Variants in PLEKHA6 observed in about 807,000 individuals in gnomAD.
The protein encoded by PLEKHA6 is pleckstrin homology domain containing A6.
In PLEKHA6, 60 loss-of-function variants were observed where a neutral mutation model predicts 116.7. The ratio of observed to expected loss-of-function variants is 0.51; its 90% CI spans 0.42 to 0.64. PLEKHA6 has a LOEUF of 0.64. Among genes scored for constraint, PLEKHA6 ranks in the 30% least tolerant of loss-of-function variants. PLEKHA6 has a pLI of 0.00. For synonymous variants in PLEKHA6, 489 were observed against 556.1 expected, an observed-to-expected ratio of 0.88 and a Z score of 1.70; for missense variants, 1,338 against 1,422.7, an observed-to-expected ratio of 0.94 and a Z score of 0.96.
At position 204,347,358 on chromosome 1, in the gene PLEKHA6, T is replaced by C. The variant is rs1572215458; in HGVS notation, c.-95+12336A>G. On this transcript the variant is annotated intron_variant, in intron 1 of 22. Coordinates refer to ENST00000272203, the MANE Select transcript of PLEKHA6 (RefSeq NM_014935.5). ...TCTGTTCTGCCTGGCTCACTGGCTGTCAGAGTTTAAGGTGATCTCTCTTGT... is the reference window on the plus strand; with the variant it reads ...TCTGTTCTGCCTGGCTCACTGGCTGCCAGAGTTTAAGGTGATCTCTCTTGT... 1.1e-5 allele frequency: 7 copies of C among 642,364 alleles called. No homozygotes were observed. In the Admixed American group the frequency reaches 1.6e-4, roughly 15 times the overall value. 39.8% of individuals were successfully genotyped at this position (642,364 alleles called of 1,614,324 possible). A position where few individuals can be genotyped will look rare whatever the true frequency, so the allele number is the denominator to read the frequency against.
At chr1:204,340,637 G>T (rs1270152899) in intron 1 of PLEKHA6, among the ~76,000 whole-genome samples, 2 of 152,198 alleles carry the variant, frequency 1.3e-5, no homozygotes, top group African/African-American at 4.8e-5. Context: ...CCATGTCAGA[G>T]AGGTCTTTTT....
chr1:204,357,324 T>A (rs1443930980), intron 1 of PLEKHA6, among the ~76,000 whole-genome samples: 1 of 152,120 alleles, frequency 6.6e-6, no homozygotes, highest in Non-Finnish European at 1.5e-5. Context: ...GACTAGATAG[T>A]CTCTGAGGGG....
At position 204,228,087 on chromosome 1, in the gene PLEKHA6, C is replaced by G; in HGVS notation, c.3027G>C (p.Leu1009=). The change falls in exon 21 of 23, where the codon CTG becomes CTC. Residue 1009 remains leucine, a synonymous_variant. Coordinates refer to ENST00000272203, the MANE Select transcript of PLEKHA6 (RefSeq NM_014935.5). This position sits in a 1 kb window ranked among gnomAD's most constrained non-coding sequence, Gnocchi z 4.0. The stretch of plus-strand genomic sequence containing the variant: ...GCGAGGCCCAGCCCCTCTCACCAGA[C>G]AGCATGCGGCCCCTGCGGGAGGCCT... ...ATEASRRGRM[L]SVQCATPSPP... is the part of the protein sequence containing the mutation. The G allele has an allele frequency of 6.2e-7, 1 of 1,612,330 alleles. No individual in the cohort carries two copies. Among genetic ancestry groups the G allele is most frequent in the Non-Finnish European group, 8.5e-7 (1 of 1,179,218 alleles).
rs759768696 is a variant in PLEKHA6, at chr1:204,265,041, A to C, written c.282T>G (p.Asp94Glu). 3.0e-5 allele frequency: 48 copies of C among 1,608,138 alleles called. No individual in the cohort carries two copies. In the African/African-American group the frequency reaches 3.5e-4, roughly 12 times the overall value. ...LVDRCLFYYK[D>E]EKEESILGSI... ...TGCCCAGGATACTCTCTTCCTTCTC[A>C]TCTGTCAGGGAGAGAGGCACAAGAA... The change falls in exon 6 of 23, where the codon GAT (aspartate) becomes GAG (glutamate). Residue 94 changes from aspartate (D) to glutamate (E), a missense_variant and splice_region_variant. By Grantham distance (45) the Asp-to-Glu change is conservative. This residue lies in a region of PLEKHA6 where 140 missense variants were observed against 197.4 expected (regional missense o/e 0.71). Transcript: ENST00000272203.
Position 204,311,575 on chromosome 1 carries a change from A to G in PLEKHA6, c.-94-36766T>C, listed in dbSNP as rs552199396. On this transcript the variant is annotated intron_variant, in intron 1 of 22. Transcript: ENST00000272203. ...ATTAAGGCTTCTTGAGTGTAACAAA[A>G]AAAAACTAATGATAACTGCCAAATA... is the stretch of plus-strand genomic sequence containing the variant. The G allele has an allele frequency of 7.5e-5, 73 of 971,790 alleles. No homozygotes were observed. In the African/African-American group the frequency reaches 1.2e-3, roughly 16 times the overall value. The allele number at this position is 971,790 out of a possible 1,614,324, so 60.2% of individuals were successfully genotyped here.
intron 1 of PLEKHA6, among the ~76,000 whole-genome samples, chr1:204,323,982 A>G (rs985727139): frequency 1.3e-5 from 2 of 152,154 alleles, no homozygotes; most frequent in African/African-American, 4.8e-5. Context: ...CATCCATGAG[A>G]TCACTCAATT....
intron 15 of PLEKHA6, among the ~76,000 whole-genome samples, chr1:204,242,629 C>G (rs1316977115): frequency 6.6e-6 from 1 of 152,088 alleles, no homozygotes; most frequent in Non-Finnish European, 1.5e-5. Flanking sequence ...GAGAATGAGC[C>G]AGAACAGGAG....
Position 204,257,081 on chromosome 1 carries a change from C to T in PLEKHA6, c.1524+272G>A, listed in dbSNP as rs1040922677. Among the ~76,000 whole-genome samples the T allele has an allele frequency of 2.0e-5, 3 of 152,228 alleles. No homozygotes were observed. Among genetic ancestry groups the T allele is most frequent in the East Asian group, 1.9e-4 (1 of 5,196 alleles). Reference sequence around the variant, plus strand: ...GAAAAGACAGAACCCTCTCTGCCCTCTTATATGACGGCATGGTATCTGGCA... The same window carrying T: ...GAAAAGACAGAACCCTCTCTGCCCTTTTATATGACGGCATGGTATCTGGCA... On this transcript the variant is annotated intron_variant, in intron 9 of 22. Transcript: ENST00000272203. This position sits in a 1 kb window ranked among gnomAD's most constrained non-coding sequence, Gnocchi z 6.5.
At chr1:204,297,114 A>T in intron 1 of PLEKHA6, 1 of 984,194 alleles carries the variant, frequency 1.0e-6, no homozygotes, top group South Asian at 4.7e-5. Flanking sequence ...ACAACAGTAG[A>T]GATAAAATCC....
In PLEKHA6 at chr1:204,259,822, G is replaced by A. The variant is rs1283264670; in HGVS notation, c.525-82C>T. On this transcript the variant is annotated intron_variant, in intron 7 of 22. Transcript: ENST00000272203. This position sits in a 1 kb window ranked among gnomAD's most constrained non-coding sequence, Gnocchi z 4.6. ...AGGGGGTGCCAGACTGGGAAGAAGA[G>A]GAGTGGGGAAGGATGGGCAGGGAGG... The A allele has an allele frequency of 2.8e-6, 4 of 1,450,242 alleles. No individual in the cohort carries two copies. The highest frequency in any genetic ancestry group is 3.7e-6 in the Non-Finnish European group (4 of 1,083,874). 89.8% of individuals were successfully genotyped at this position (1,450,242 alleles called of 1,614,324 possible).
chr1:204,318,295 T>C (rs1423488166), intron 1 of PLEKHA6, among the ~76,000 whole-genome samples: 2 of 152,180 alleles, frequency 1.3e-5, no homozygotes, highest in Non-Finnish European at 2.9e-5. Context: ...GGGCTTCAAA[T>C]TGGCTCATTT....
At chr1:204,361,936 G>A (rs886420862), upstream of PLEKHA6, among the ~76,000 whole-genome samples, 1 of 152,250 alleles carries the variant, frequency 6.6e-6, no homozygotes, top group Non-Finnish European at 1.5e-5. Flanking sequence ...AGCTGGAAAA[G>A]GCAGGCGACC....
rs747144205 is a variant in PLEKHA6, at chr1:204,229,093, G to T, written c.2595C>A (p.His865Gln). The change falls in exon 19 of 23, where the codon CAC (histidine) becomes CAA (glutamine). Residue 865 changes from histidine (H) to glutamine (Q), a missense_variant. Around this residue, in one of 3 missense-constraint regions of PLEKHA6, gnomAD observed 1,136 missense variants for 1,163.6 expected, o/e 0.98. Coordinates refer to ENST00000272203, the MANE Select transcript of PLEKHA6 (RefSeq NM_014935.5). ...AGATGTCTACCTCATGGATGCTGCG[G>T]TGGCGGCGCACCTAGGGGACAGCAG... ...PRPAYKVVRR[H>Q]RSIHEVDISN... 8 of 1,612,944 alleles carry T rather than the reference G, an allele frequency of 5.0e-6. No individual in the cohort carries two copies. Among genetic ancestry groups the T allele is most frequent in the Middle Eastern group, 1.7e-4 (1 of 5,972 alleles).
intron 1 of PLEKHA6, chr1:204,325,739 G>A: frequency 6.1e-6 from 1 of 164,600 alleles, no homozygotes; most frequent in Non-Finnish European, 1.3e-5. Context: ...TTCCTTATTG[G>A]TGGCTTCTTA....
At chr1:204,290,408 G>A (rs1426246917) in intron 1 of PLEKHA6, among the ~76,000 whole-genome samples, 1 of 152,134 alleles carries the variant, frequency 6.6e-6, no homozygotes, top group African/African-American at 2.4e-5. Flanking sequence ...TTTGACAAAG[G>A]TATAAAGTCA....
At chr1:204,288,287 C>G (rs1010048269) in intron 1 of PLEKHA6, among the ~76,000 whole-genome samples, 1 of 152,240 alleles carries the variant, frequency 6.6e-6, no homozygotes, top group African/African-American at 2.4e-5. Context: ...CCGGAGCTGG[C>G]TGATGGACAG....
At chr1:204,286,497 A>G (rs567205946) in intron 1 of PLEKHA6, among the ~76,000 whole-genome samples, 4 of 152,218 alleles carry the variant, frequency 2.6e-5, no homozygotes, top group African/African-American at 9.6e-5. Flanking sequence ...CATAAGTGAC[A>G]CCTGAGTAAC....
At chr1:204,311,319 T>C (rs35245269) in intron 1 of PLEKHA6, among the ~76,000 whole-genome samples, 34,164 of 151,846 alleles carry the variant, frequency 0.22, 3,967 homozygotes, top group South Asian at 0.29. Flanking sequence ...TGGAGAAACC[T>C]CATCTCTCCT....
rs1011047498 is a variant in PLEKHA6 at position 204,229,169 on chromosome 1, C to T, written c.2584-65G>A. On this transcript the variant is annotated intron_variant, in intron 18 of 22. Transcript: ENST00000272203. The stretch of plus-strand genomic sequence containing the variant: ...ATGCCTCCAGGCAGCTCTAGCTATG[C>T]CCTGTCCTCGCTTTCCCTTCCCAGC... The T allele has an allele frequency of 4.0e-6, 6 of 1,513,452 alleles. No individual in the cohort carries two copies. The African/African-American group carries it at 8.2e-5, about 21-fold the overall frequency. The allele number at this position is 1,513,452 out of a possible 1,614,324, so 93.8% of individuals were successfully genotyped here. A position where few individuals can be genotyped will look rare whatever the true frequency, so the allele number is the denominator to read the frequency against.
Sources: gnomAD v4.1 joint callset for allele counts (sites outside exome capture counted in the v4.1 genomes callset) on GRCh38, gnomAD v4.1.1 for gene constraint, gnomAD v4.1.1 regional missense constraint, Gnocchi (gnomAD v3.1) non-coding constraint, MANE v1.5 for transcripts, NCBI Gene and HGNC (gene_info 2026-07-23, HGNC 2026-07-21) for gene names.